Variants in SLC20A2 observed in about 807,000 individuals in gnomAD.
SLC20A2 encodes solute carrier family 20 member 2, also known as sodium-dependent phosphate transporter 2.
A neutral mutation model predicts 61.0 loss-of-function variants in SLC20A2; 30 were observed. The ratio of observed to expected loss-of-function variants is 0.49; its 90% confidence interval spans 0.37 to 0.67. SLC20A2 has a LOEUF of 0.67. Among genes scored for constraint, SLC20A2 ranks in the 30% least tolerant of loss-of-function variants. The pLI is 0.00. For synonymous variants in SLC20A2, 351 were observed against 353.3 expected (o/e 0.99, Z 0.07); for missense variants, 626 against 866.4 (o/e 0.72, Z 3.48).
rs1314380705 is a variant in SLC20A2, at chr8:42,472,256, C to T, written c.135G>A (p.Arg45=). Residue 45 remains arginine, a synonymous_variant, in exon 2 of 11, where the codon AGG becomes AGA. Coordinates refer to ENST00000520262, the MANE Select transcript of SLC20A2 (RefSeq NM_001257180.2). The surrounding 1 kb of genome is among the most constrained non-coding windows in gnomAD (Gnocchi z 4.1). ...TAVGSGVVTL[R]QACILASIFE... Reference sequence around the variant, plus strand: ...ATATTGAAGCTAAAATGCATGCCTGCCTCAAGGTCACCACACCAGAGCCCA... The same window carrying T: ...ATATTGAAGCTAAAATGCATGCCTGTCTCAAGGTCACCACACCAGAGCCCA... 1 of 1,614,160 alleles carries T rather than the reference C, an allele frequency of 6.2e-7. No individual in the cohort carries two copies. The highest frequency in any genetic ancestry group is 8.5e-7 in the Non-Finnish European group (1 of 1,180,038).
intron 1 of SLC20A2, among the ~76,000 whole-genome samples, chr8:42,517,368 C>CAA (rs34660785): frequency 0.52 from 64,879 of 125,916 alleles, 14,748 homozygotes; most frequent in East Asian, 0.55. Context: ...GATCCTGTCT[C>CAA]AAAAAAAAAA....
At chr8:42,460,316 A>G (rs56346144) in intron 4 of SLC20A2, 11 of 234,156 alleles carry the variant, frequency 4.7e-5, no homozygotes, top group African/African-American at 2.0e-4. Flanking sequence ...CCGGAGGACC[A>G]AAGCCCAGAG....
chr8:42,437,015 G>T lies in SLC20A2; in HGVS notation c.1497C>A (p.Ser499=), dbSNP rs201469305. 4 of 1,610,184 alleles carry T rather than the reference G, an allele frequency of 2.5e-6. No individual in the cohort carries two copies. In the East Asian group the frequency reaches 8.9e-5, roughly 36 times the overall value. ...TCACGTCATTGCCGCCGTGAGCAAAGGACCCGAAACAGGCGGTGAGGACCT... is the reference window on the plus strand; with the variant it reads ...TCACGTCATTGCCGCCGTGAGCAAATGACCCGAAACAGGCGGTGAGGACCT... ...FLQVLTACFG[S]FAHGGNDVSN... Residue 499 remains serine, a synonymous_variant, in exon 8 of 11, where the codon TCC becomes TCA. Transcript: ENST00000520262. The surrounding 1 kb of genome is among the most constrained non-coding windows in gnomAD (Gnocchi z 6.4).
chr8:42,475,917 AAC>A, intron 1 of SLC20A2, among the ~76,000 whole-genome samples: 1 of 152,144 alleles, frequency 6.6e-6, no homozygotes, highest in South Asian at 2.1e-4. Context: ...TGGTGGATTA[AAC>A]ATGGGGGTGG....
chr8:42,462,499 A>AT (rs890657921), intron 4 of SLC20A2, among the ~76,000 whole-genome samples: 5 of 151,214 alleles, frequency 3.3e-5, no homozygotes, highest in African/African-American at 4.9e-5. Flanking sequence ...GTAAGCACTA[A>AT]TTTTTTTTTA....
At chr8:42,436,560 G>A (rs73631778) in intron 8 of SLC20A2, among the ~76,000 whole-genome samples, 1,893 of 152,166 alleles carry the variant, frequency 0.012, 35 homozygotes, top group African/African-American at 0.041. Context: ...CTCCCCTCTC[G>A]AGGCGAGGCC....
At chr8:42,434,226 A>G (rs1408075980) in intron 8 of SLC20A2, among the ~76,000 whole-genome samples, 2 of 151,980 alleles carry the variant, frequency 1.3e-5, no homozygotes, top group African/African-American at 4.8e-5. Flanking sequence ...AGCTGGGACC[A>G]CAAGTGCCCA....
chr8:42,428,635 G>A lies in SLC20A2; in HGVS notation c.1794+123C>T, dbSNP rs919408582. 4.1e-6 allele frequency: 3 copies of A among 730,556 alleles called. No homozygotes were observed. The African/African-American group carries it at 5.5e-5, about 13-fold the overall frequency. The allele number at this position is 730,556 out of a possible 1,614,324, so 45.3% of individuals were successfully genotyped here. ...GAATACAAGGTCCCGGAGACCTGGA[G>A]AACCTGGAGCTGCATTTTGCACAAC... is the stretch of plus-strand genomic sequence containing the variant. On this transcript the variant is annotated intron_variant, in intron 10 of 10. Transcript: ENST00000520262.
Position 42,520,819 on chromosome 8 carries a change from TC to T in SLC20A2, c.-265+21001del, listed in dbSNP as rs1343383958. On this transcript the variant is annotated intron_variant, in intron 1 of 10. Coordinates refer to the SLC20A2 transcript ENST00000342228. ...TGTACTGTCTGAGAACGGTAATTAT[TC>T]CCCACAAGAAAAAGCTCAATAAAAC... 7.1e-4 allele frequency among the ~76,000 whole-genome samples: 86 copies of T among 120,478 alleles called. 12 individuals carry two copies. The highest frequency in any genetic ancestry group is 2.2e-3 in the African/African-American group (86 of 39,378). 79.0% of individuals were successfully genotyped at this position (120,478 alleles called of 152,430 possible).
At chr8:42,468,718 G>T (rs1179309969) in intron 2 of SLC20A2, among the ~76,000 whole-genome samples, 1 of 151,636 alleles carries the variant, frequency 6.6e-6, no homozygotes, top group East Asian at 1.9e-4. Flanking sequence ...CAGAGCAAAG[G>T]CTCAGGCTCC....
chr8:42,526,135 G>A (rs752796075), intron 1 of SLC20A2, among the ~76,000 whole-genome samples: 4 of 152,130 alleles, frequency 2.6e-5, no homozygotes, highest in Non-Finnish European at 5.9e-5. Flanking sequence ...GGGCAAACAC[G>A]ACCCCAGCAG....
At chr8:42,474,686 G>T (rs1428680699) in intron 1 of SLC20A2, among the ~76,000 whole-genome samples, 3 of 152,138 alleles carry the variant, frequency 2.0e-5, no homozygotes, top group African/African-American at 7.2e-5. Flanking sequence ...TTCAATTATT[G>T]ATTGAGAAAT....
intron 8 of SLC20A2, among the ~76,000 whole-genome samples, chr8:42,431,861 G>A (rs1467403659): frequency 6.6e-6 from 1 of 152,190 alleles, no homozygotes; most frequent in Non-Finnish European, 1.5e-5. Flanking sequence ...AATATTTTAA[G>A]CCTACTGTTG....
In SLC20A2 at chr8:42,428,946, C is replaced by T. The variant is rs533341054; in HGVS notation, c.1710-104G>A. 650 of 841,264 alleles carry T rather than the reference C, an allele frequency of 7.7e-4. 7 individuals carry two copies. Among genetic ancestry groups the T allele is most frequent in the Non-Finnish European group, 2.6e-4 (148 of 566,564 alleles). 52.1% of individuals were successfully genotyped at this position (841,264 alleles called of 1,614,324 possible). A position where few individuals can be genotyped will look rare whatever the true frequency, so the allele number is the denominator to read the frequency against. Reference sequence around the variant, plus strand: ...CCAGAACATTCTCTGGGGTGACTGCCGACTGCTGACTGGGCAAGATCAATT... The same window carrying T: ...CCAGAACATTCTCTGGGGTGACTGCTGACTGCTGACTGGGCAAGATCAATT... On this transcript the variant is annotated intron_variant, in intron 9 of 10. Transcript: ENST00000520262.
chr8:42,429,940 TCCTCCTC>T (rs1225560288), intron 9 of SLC20A2, 117 bp downstream of exon 9: 2 of 745,656 alleles, frequency 2.7e-6, no homozygotes, highest in Non-Finnish European at 4.2e-6. Flanking sequence ...GCCCACTGTC[TCCTCCTC>T]CCTGTGACCC....
chr8:42,438,075 A>AAAAAAAAAAAAAAAAAAC (rs1563455842), intron 7 of SLC20A2, among the ~76,000 whole-genome samples: 1 of 144,340 alleles, frequency 6.9e-6, no homozygotes, highest in Non-Finnish European at 1.5e-5. Flanking sequence ...AAAAAAAAAA[A>AAAAAAAAAAAAAAAAAAC]AAAAAAAAAA....
At position 42,495,437 on chromosome 8, in the gene SLC20A2, T is replaced by C. The variant is rs1791027335; in HGVS notation, c.-265+5594A>G. ...GTTAAGATCAGCTCCCTGTGCCCTC[T>C]GGAGTGGGGAGACACGTCGATCTTA... is the stretch of plus-strand genomic sequence containing the variant. On this transcript the variant is annotated intron_variant, in intron 1 of 10. Coordinates refer to ENST00000520262, the MANE Select transcript of SLC20A2 (RefSeq NM_001257180.2). Among the ~76,000 whole-genome samples the C allele has an allele frequency of 2.0e-5, 3 of 152,332 alleles. No individual in the cohort carries two copies. In the South Asian group the frequency reaches 6.2e-4, roughly 32 times the overall value.
At chr8:42,422,477 C>G (rs537426388) in intron 10 of SLC20A2, among the ~76,000 whole-genome samples, 1 of 152,076 alleles carries the variant, frequency 6.6e-6, no homozygotes, top group African/African-American at 2.4e-5. Context: ...ATTCAGTGTA[C>G]GCCATAGCAC....
rs1209955679 is a variant in SLC20A2 at position 42,417,019 on chromosome 8, C to G, written c.*784G>C. 2.0e-5 allele frequency: 3 copies of G among 152,668 alleles called. No homozygotes were observed. The highest frequency in any genetic ancestry group is 7.2e-5 in the African/African-American group (3 of 41,450). 9.5% of individuals were successfully genotyped at this position (152,668 alleles called of 1,614,324 possible). On this transcript the variant is annotated 3_prime_UTR_variant, in exon 11 of 11. Transcript: ENST00000520262. ...ATGCTGGGTGACGGTGTCACCGCCA[C>G]ACACTGCTCTGGGGCAGGCGTGATC...
Sources: gnomAD v4.1 joint callset for allele counts (sites outside exome capture counted in the v4.1 genomes callset) on GRCh38, gnomAD v4.1.1 for gene constraint, Gnocchi (gnomAD v3.1) non-coding constraint, MANE v1.5 for transcripts, NCBI Gene and HGNC (gene_info 2026-07-23, HGNC 2026-07-21) for gene names.